UNC13A: variants seen among roughly 807,000 people sequenced by gnomAD.
UNC13A encodes the protein protein unc-13 homolog A.
In UNC13A, 61 loss-of-function variants were observed where a neutral mutation model predicts 219.7. That is an observed-to-expected ratio of 0.28 (90% CI 0.23 to 0.34). The LOEUF (loss-of-function observed/expected upper bound fraction) is 0.34. Ranked by LOEUF, UNC13A falls within the 10% of genes least tolerant of loss-of-function variation. The probability of loss-of-function intolerance (pLI) is 1.00; values close to 1 mark genes in which losing one functional copy is unlikely to be tolerated. For synonymous variants in UNC13A, 920 were observed against 884.6 expected (o/e 1.04, Z -0.71); for missense variants, 1,476 against 2,270.3 (o/e 0.65, Z 7.11).
intron 9 of UNC13A, 114 bp downstream of exon 9, chr19:17,657,948 G>T: frequency 9.1e-7 from 1 of 1,095,864 alleles, no homozygotes; most frequent in Non-Finnish European, 1.3e-6. Context: ...TCCTGGATGG[G>T]TGAATTCTGC....
intron 39 of UNC13A, 64 bp downstream of exon 39, chr19:17,618,842 A>C: frequency 6.4e-7 from 1 of 1,555,522 alleles, no homozygotes; most frequent in East Asian, 2.2e-5. Flanking sequence ...GGATGGTGGC[A>C]ACCTGGAAGC....
intron 30 of UNC13A, among the ~76,000 whole-genome samples, chr19:17,629,910 T>C (rs62121683): frequency 8.4e-5 from 10 of 119,092 alleles, no homozygotes; most frequent in African/African-American, 2.9e-4. Flanking sequence ...AATCTCAATT[T>C]AAACCCTAAC....
intron 1 of UNC13A, among the ~76,000 whole-genome samples, chr19:17,680,080 T>G (rs1599418212): frequency 2.3e-5 from 2 of 88,392 alleles, no homozygotes; most frequent in Admixed American, 1.3e-4. Context: ...GGGCCGAGAG[T>G]GGCGAGGGGG....
rs765294023 is a variant in UNC13A at position 17,617,802 on chromosome 19, C to T, written c.4458G>A (p.Glu1486=). The change falls in exon 41 of 44, where the codon GAG becomes GAA. Residue 1486 remains glutamate (E), a synonymous_variant. Coordinates refer to ENST00000519716, the MANE Select transcript of UNC13A (RefSeq NM_001080421.3). ...GCAAGGATTGCAGGTCCGGGCTCTTCTCCAGGAAGGTCTTCTTGAGGCCCA... is the reference window on the plus strand; with the variant it reads ...GCAAGGATTGCAGGTCCGGGCTCTTTTCCAGGAAGGTCTTCTTGAGGCCCA... ...GGVGLKKTFL[E]KSPDLQSLRY... is the part of the protein sequence containing the mutation. 5.0e-6 allele frequency: 8 copies of T among 1,613,842 alleles called. No homozygotes were observed. The highest frequency in any genetic ancestry group is 5.9e-6 in the Non-Finnish European group (7 of 1,179,860).
At position 17,672,458 on chromosome 19, in the gene UNC13A, C is replaced by A. The variant is rs755863482; in HGVS notation, c.190G>T (p.Val64Leu). ...TCCCAGATGAGACCCTTATTCCACA[C>A]CTCCACCGTCAGTCCCAAATCCAGA... ...NRLDLGLTVE[V>L]WNKGLIWDTM... The change falls in exon 4 of 44, where the codon GTG becomes TTG. Residue 64 changes from valine (V) to leucine (L), a missense_variant. Physicochemically the swap from Val to Leu is conservative, Grantham distance 32. Coordinates refer to ENST00000519716, the MANE Select transcript of UNC13A (RefSeq NM_001080421.3). The A allele has an allele frequency of 1.2e-6, 2 of 1,613,908 alleles. No individual in the cohort carries two copies. The highest frequency in any genetic ancestry group is 1.7e-6 in the Non-Finnish European group (2 of 1,179,872).
intron 43 of UNC13A, among the ~76,000 whole-genome samples, chr19:17,608,725 C>T (rs60885280): frequency 0.36 from 53,990 of 150,924 alleles, 9,959 homozygotes; most frequent in African/African-American, 0.39. Context: ...ACCGTGTTAG[C>T]CAGGATGGTC....
intron 40 of UNC13A, among the ~76,000 whole-genome samples, 199 bp downstream of exon 40, chr19:17,618,222 T>C (rs1310348584): frequency 6.6e-6 from 1 of 152,226 alleles, no homozygotes; most frequent in African/African-American, 2.4e-5. Context: ...AGAATGTCTG[T>C]ATCCAGCAGT....
chr19:17,664,177 T>G lies in UNC13A; in HGVS notation c.524-610A>C, dbSNP rs116901991. 7.7e-3 allele frequency among the ~76,000 whole-genome samples: 1,179 copies of G among 152,286 alleles called. 4 individuals are homozygous for G. Among genetic ancestry groups the G allele is most frequent in the Non-Finnish European group, 0.012 (833 of 68,026 alleles). On this transcript the variant is annotated intron_variant, in intron 7 of 43. Transcript: ENST00000519716. ...ATTTGGGCCCAGGGTTTTCTGACTA[T>G]GATGTCTAGGGTTAGCAGTCTCCCA...
In UNC13A at chr19:17,606,340, T is replaced by A. The variant is rs1437024536; in HGVS notation, c.4826A>T (p.Asp1609Val). Residue 1609 changes from aspartate to valine, a missense_variant, in exon 44 of 44, where the codon GAC (aspartate) becomes GTC (valine). Transcript: ENST00000519716. ...CAGCTCATAGCACTCGGGACCCGCGTCGGCGCTCAGCGTGCTGCGTGGGGA... is the reference window on the plus strand; with the variant it reads ...CAGCTCATAGCACTCGGGACCCGCGACGGCGCTCAGCGTGCTGCGTGGGGA... ...NESFQFTLSA[D>V]AGPECYELQV... 6.5e-7 allele frequency: 1 copy of A among 1,545,898 alleles called. No individual in the cohort carries two copies. Among genetic ancestry groups the A allele is most frequent in the Non-Finnish European group, 8.7e-7 (1 of 1,147,326 alleles).
intron 1 of UNC13A, among the ~76,000 whole-genome samples, chr19:17,676,735 G>A (rs1031040450): frequency 3.9e-5 from 6 of 152,174 alleles, no homozygotes; most frequent in African/African-American, 9.6e-5. Flanking sequence ...TGTGGAGGGC[G>A]AGGCACGGTG....
chr19:17,643,738 C>T (rs987223168), intron 19 of UNC13A, among the ~76,000 whole-genome samples: 1 of 152,136 alleles, frequency 6.6e-6, no homozygotes, highest in Non-Finnish European at 1.5e-5. Flanking sequence ...GGATCCCAGA[C>T]CTTGCTTCTT....
intron 6 of UNC13A, among the ~76,000 whole-genome samples, chr19:17,667,330 G>T (rs1235504976): frequency 6.6e-6 from 1 of 152,106 alleles, no homozygotes; most frequent in Non-Finnish European, 1.5e-5. Flanking sequence ...GGACAAGAGT[G>T]AAAAAACTAC....
At chr19:17,606,717 C>T (rs568322207) in intron 43 of UNC13A, among the ~76,000 whole-genome samples, 1 of 152,236 alleles carries the variant, frequency 6.6e-6, no homozygotes, top group East Asian at 1.9e-4. Flanking sequence ...AACTGCTGCC[C>T]GCACGGCCCT....
intron 1 of UNC13A, among the ~76,000 whole-genome samples, chr19:17,685,798 G>A (rs2080097253): frequency 6.6e-6 from 1 of 152,060 alleles, no homozygotes; most frequent in Non-Finnish European, 1.5e-5. Context: ...GTAGGGATTG[G>A]CAAACGCCTG....
At chr19:17,666,882 G>C (rs1228069291) in intron 6 of UNC13A, among the ~76,000 whole-genome samples, 178 bp from the exon 7 acceptor site, 1 of 110,436 alleles carries the variant, frequency 9.1e-6, no homozygotes, top group East Asian at 2.2e-4. Flanking sequence ...ACACACACAC[G>C]AGAGAGAGAG....
rs777339982 is a variant in UNC13A, at chr19:17,656,007, T to G, written c.1159A>C (p.Lys387Gln). The G allele has an allele frequency of 1.6e-5, 26 of 1,581,252 alleles. No homozygotes were observed. The East Asian group carries it at 5.7e-4, about 35-fold the overall frequency. The change falls in exon 10 of 44, where the codon AAG (lysine) becomes CAG (glutamine). Residue 387 changes from lysine (K) to glutamine (Q), a missense_variant. Physicochemically the swap from Lys to Gln is moderately conservative, Grantham distance 53. This residue lies in a region of UNC13A where 351 missense variants were observed against 342.6 expected (regional missense o/e 1.02). Transcript: ENST00000519716. The part of the protein sequence containing the change: ...LPPAAPGKED[K>Q]APVAPTEAPD... Reference sequence around the variant, plus strand: ...GCCTCGGTGGGTGCCACTGGGGCCTTGTCCTCCTTCCCTGGGGCAGCTGGC... The same window carrying G: ...GCCTCGGTGGGTGCCACTGGGGCCTGGTCCTCCTTCCCTGGGGCAGCTGGC...
At chr19:17,624,001 G>T (rs1299952307) in intron 35 of UNC13A, among the ~76,000 whole-genome samples, 1 of 152,032 alleles carries the variant, frequency 6.6e-6, no homozygotes, top group African/African-American at 2.4e-5. Flanking sequence ...ACCTCTGGCT[G>T]ACTTCCAGGA....
Position 17,684,924 on chromosome 19 carries a change from A to G in UNC13A, c.22+3254T>C, listed in dbSNP as rs539626233. Among the ~76,000 whole-genome samples, 13 of 152,332 alleles carry G rather than the reference A, an allele frequency of 8.5e-5. No homozygotes were observed. The South Asian group carries it at 2.5e-3, about 29-fold the overall frequency. On this transcript the variant is annotated intron_variant, in intron 1 of 43. Coordinates refer to ENST00000519716, the MANE Select transcript of UNC13A (RefSeq NM_001080421.3). ...GGAAAACACACATATTGATGTTTGC[A>G]TGTGTACATGGATGCAGTTCTGTGG...
intron 41 of UNC13A, chr19:17,614,349 G>C (rs1178343844): frequency 1.3e-5 from 2 of 152,146 alleles, no homozygotes; most frequent in African/African-American, 4.8e-5. Context: ...AAGTTCCCTT[G>C]TCTGCTTGAA....
Sources: allele counts gnomAD v4.1 joint callset (sites outside exome capture counted in the v4.1 genomes callset), GRCh38; gene constraint gnomAD v4.1.1; regional missense constraint gnomAD v4.1.1; transcripts MANE v1.5; gene names NCBI Gene and HGNC (gene_info 2026-07-23, HGNC 2026-07-21).